ROBO2: variants seen among roughly 807,000 people sequenced by gnomAD.
ROBO2 encodes the protein roundabout guidance receptor 2, also known as roundabout homolog 2.
In ROBO2, 53 loss-of-function variants were observed where a neutral mutation model predicts 160.8. That is an observed-to-expected ratio of 0.33 (90% CI 0.26 to 0.41). The LOEUF is 0.41. ROBO2 is among the 10% of genes least tolerant of loss of function. The pLI is 1.00. For synonymous variants in ROBO2, 664 were observed against 611.7 expected (o/e 1.09, Z -1.26); for missense variants, 1,577 against 1,722.4 (o/e 0.92, Z 1.49).
intron 2 of ROBO2, among the ~76,000 whole-genome samples, chr3:76,457,292 G>A (rs996881697): frequency 1.3e-5 from 2 of 152,202 alleles, no homozygotes; most frequent in African/African-American, 4.8e-5. Flanking sequence ...TTCCAAATGA[G>A]AGAAATTGGC....
chr3:76,620,998 C>T (rs2089026814), intron 2 of ROBO2, among the ~76,000 whole-genome samples: 1 of 152,124 alleles, frequency 6.6e-6, no homozygotes, highest in Admixed American at 6.5e-5. Context: ...CACTTATGTG[C>T]ACGGCTGACT....
chr3:76,220,411 A>C (rs1703887362), intron 2 of ROBO2, among the ~76,000 whole-genome samples: 1 of 151,966 alleles, frequency 6.6e-6, no homozygotes, highest in Admixed American at 6.6e-5. Context: ...GGGGGTGACT[A>C]GGATGTAAAA....
intron 2 of ROBO2, among the ~76,000 whole-genome samples, chr3:76,718,853 T>C (rs887172107): frequency 6.6e-6 from 1 of 152,248 alleles, no homozygotes; most frequent in Non-Finnish European, 1.5e-5. Flanking sequence ...TAGAACATTT[T>C]ACTTACTTTT....
chr3:76,079,909 T>G (rs1056032007), intron 2 of ROBO2, among the ~76,000 whole-genome samples: 6 of 152,158 alleles, frequency 3.9e-5, no homozygotes, highest in African/African-American at 1.4e-4. Flanking sequence ...AAAAATCTTG[T>G]AATCTGGAAA....
chr3:76,573,968 G>A (rs969751747), intron 2 of ROBO2, among the ~76,000 whole-genome samples: 7 of 152,116 alleles, frequency 4.6e-5, no homozygotes, highest in East Asian at 1.9e-4. Flanking sequence ...TGCTCTCTGC[G>A]TTCCCATAGC....
intron 2 of ROBO2, among the ~76,000 whole-genome samples, chr3:76,601,858 T>C (rs930383317): frequency 1.3e-5 from 2 of 152,184 alleles, no homozygotes; most frequent in African/African-American, 2.4e-5. Context: ...TTCTATCACA[T>C]TGTCTGGGTT....
intron 23 of ROBO2, among the ~76,000 whole-genome samples, chr3:77,626,112 G>A (rs1369094726): frequency 6.6e-6 from 1 of 152,148 alleles, no homozygotes; most frequent in Non-Finnish European, 1.5e-5. Flanking sequence ...GTATATTTAA[G>A]AGGAAAATAA....
chr3:76,967,792 G>T (rs529082718), intron 2 of ROBO2, among the ~76,000 whole-genome samples: 1 of 152,134 alleles, frequency 6.6e-6, no homozygotes, highest in South Asian at 2.1e-4. Context: ...TGATTCGCCT[G>T]CCTCAGCAAC....
chr3:76,433,703 G>T (rs1447671120), intron 2 of ROBO2, among the ~76,000 whole-genome samples: 2 of 152,166 alleles, frequency 1.3e-5, no homozygotes, highest in Non-Finnish European at 2.9e-5. Context: ...GTTGACTTGT[G>T]AGACTGTTGA....
chr3:76,036,385 G>A (rs1163170833), intron 2 of ROBO2, among the ~76,000 whole-genome samples: 7 of 151,874 alleles, frequency 4.6e-5, no homozygotes, highest in Admixed American at 3.3e-4. Context: ...CCTGACCTCA[G>A]GTGATCTGCC....
intron 2 of ROBO2, among the ~76,000 whole-genome samples, chr3:76,873,154 A>G (rs1208956264): frequency 6.6e-6 from 1 of 152,194 alleles, no homozygotes. Context: ...AAACATTACA[A>G]AGGTTAATAA....
At chr3:75,981,877 T>G (rs975483758) in intron 2 of ROBO2, among the ~76,000 whole-genome samples, 1 of 149,884 alleles carries the variant, frequency 6.7e-6, no homozygotes, top group Non-Finnish European at 1.5e-5. Flanking sequence ...TTCTATTTTT[T>G]TTACCTATTA....
intron 2 of ROBO2, among the ~76,000 whole-genome samples, chr3:76,099,216 A>G (rs529611316): frequency 6.6e-5 from 10 of 152,210 alleles, no homozygotes; most frequent in South Asian, 4.2e-4. Context: ...CTCCTCTTCT[A>G]TCTCTCTCAG....
rs1243594067 is a variant in ROBO2, at chr3:77,294,302, T to C, written c.389-183112T>C. On this transcript the variant is annotated intron_variant, in intron 2 of 25. Transcript: ENST00000461745. ...AGAGCACTAAAGACATAAAGTAAAA[T>C]TGACGGTTAAACGGGTAAGCTGAGG... Among the ~76,000 whole-genome samples the C allele has an allele frequency of 3.5e-5, 5 of 142,820 alleles. 2 individuals are homozygous for C. Among genetic ancestry groups the C allele is most frequent in the African/African-American group, 1.4e-4 (5 of 36,576 alleles). The allele number at this position is 142,820 out of a possible 152,430, so 93.7% of individuals were successfully genotyped here. A position where few individuals can be genotyped will look rare whatever the true frequency, so the allele number is the denominator to read the frequency against.
intron 2 of ROBO2, among the ~76,000 whole-genome samples, chr3:76,416,426 G>T (rs939856005): frequency 6.6e-6 from 1 of 151,794 alleles, no homozygotes; most frequent in African/African-American, 2.4e-5. Flanking sequence ...GTGTGTGTGT[G>T]GGGGGGAAAT....
intron 2 of ROBO2, among the ~76,000 whole-genome samples, chr3:75,964,231 A>G (rs1949026417): frequency 1.3e-5 from 2 of 151,778 alleles, no homozygotes; most frequent in Admixed American, 1.3e-4. Flanking sequence ...ATAATTTTTT[A>G]CATTTCAAAT....
chr3:77,552,779 T>C (rs1049114885), intron 8 of ROBO2, among the ~76,000 whole-genome samples: 6 of 151,994 alleles, frequency 3.9e-5, no homozygotes, highest in African/African-American at 1.4e-4. Flanking sequence ...TGTACACACA[T>C]GTTATCAATT....
At chr3:76,049,878 C>T (rs2067596356) in intron 2 of ROBO2, among the ~76,000 whole-genome samples, 1 of 151,990 alleles carries the variant, frequency 6.6e-6, no homozygotes, top group Admixed American at 6.6e-5. Flanking sequence ...TTGCCTCCTG[C>T]CGCAGTGTAT....
chr3:76,747,501 T>C (rs2093913242), intron 2 of ROBO2, among the ~76,000 whole-genome samples: 1 of 152,028 alleles, frequency 6.6e-6, no homozygotes. Context: ...AGCATTAATA[T>C]CATGACTTAG....
Sources: allele counts gnomAD v4.1 joint callset (sites outside exome capture counted in the v4.1 genomes callset), GRCh38; gene constraint gnomAD v4.1.1; transcripts MANE v1.5; gene names NCBI Gene and HGNC (gene_info 2026-07-23, HGNC 2026-07-21).